LHFPL3: variants seen among roughly 807,000 people sequenced by gnomAD.
The protein encoded by LHFPL3 is LHFPL tetraspan subfamily member 3 protein.
Under a neutral mutation model 19.3 loss-of-function variants are expected in LHFPL3, and 5 were observed. The observed-to-expected ratio is 0.26, with a 90% CI of 0.14 to 0.54. The LOEUF (loss-of-function observed/expected upper bound fraction) is 0.54, where lower values mean the gene tolerates loss of function less well. LHFPL3 is among the 20% of genes least tolerant of loss of function. The pLI, the probability that LHFPL3 is intolerant of heterozygous loss-of-function variation, is 0.94. For synonymous variants in LHFPL3, 133 were observed against 126.2 expected, an observed-to-expected ratio of 1.05 and a Z score of -0.36; for missense variants, 249 against 307.4, an observed-to-expected ratio of 0.81 and a Z score of 1.42.
intron 1 of LHFPL3, among the ~76,000 whole-genome samples, chr7:104,479,810 C>G (rs1012458592): frequency 6.6e-6 from 1 of 152,228 alleles, no homozygotes; most frequent in African/African-American, 2.4e-5. Context: ...CATCTGTTTT[C>G]CGGTCCAAAC....
At chr7:104,515,971 A>T (rs1793912189) in intron 1 of LHFPL3, among the ~76,000 whole-genome samples, 1 of 152,014 alleles carries the variant, frequency 6.6e-6, no homozygotes. Flanking sequence ...ACATGTTCAG[A>T]TATCTTTACA....
At chr7:104,331,845 G>T (rs949737994) in intron 1 of LHFPL3, among the ~76,000 whole-genome samples, 2 of 151,986 alleles carry the variant, frequency 1.3e-5, no homozygotes, top group Non-Finnish European at 2.9e-5. Flanking sequence ...AGCTACTTGG[G>T]AGGCTGAGGC....
At chr7:104,835,047 G>C (rs552205970) in intron 2 of LHFPL3, among the ~76,000 whole-genome samples, 2 of 151,852 alleles carry the variant, frequency 1.3e-5, no homozygotes, top group Non-Finnish European at 2.9e-5. Flanking sequence ...TTCCATAGCA[G>C]TTTAACCTCC....
intron 1 of LHFPL3, among the ~76,000 whole-genome samples, chr7:104,554,034 C>T (rs1415496055): frequency 6.6e-6 from 1 of 152,096 alleles, no homozygotes; most frequent in Non-Finnish European, 1.5e-5. Flanking sequence ...GTGACTTTTT[C>T]CTGGCTGATG....
At chr7:104,408,041 T>G (rs1384192578) in intron 1 of LHFPL3, among the ~76,000 whole-genome samples, 1 of 152,152 alleles carries the variant, frequency 6.6e-6, no homozygotes, top group Non-Finnish European at 1.5e-5. Flanking sequence ...CCTCAGATGG[T>G]AGGACTAGGA....
chr7:104,531,978 G>T (rs536340514), intron 1 of LHFPL3, among the ~76,000 whole-genome samples: 1 of 152,234 alleles, frequency 6.6e-6, no homozygotes, highest in Middle Eastern at 3.4e-3. Context: ...TCAAGGCTGG[G>T]TGTTCTGGGC....
chr7:104,442,537 A>G lies in LHFPL3; in HGVS notation c.445+113313A>G, dbSNP rs1250951386. Among the ~76,000 whole-genome samples, 12 of 152,334 alleles carry G rather than the reference A, an allele frequency of 7.9e-5. No homozygotes were observed. In the East Asian group the frequency reaches 2.1e-3, roughly 27 times the overall value. On this transcript the variant is annotated intron_variant, in intron 1 of 2. Transcript: ENST00000424859. Reference sequence around the variant, plus strand: ...TCAGTACATTGCTAAAGCTTTGTCAACTATTATCTTTTCATGTAGCAAGTT... The same window carrying G: ...TCAGTACATTGCTAAAGCTTTGTCAGCTATTATCTTTTCATGTAGCAAGTT...
chr7:104,901,047 A>G (rs1259680230), intron 2 of LHFPL3, among the ~76,000 whole-genome samples: 2 of 152,196 alleles, frequency 1.3e-5, no homozygotes, highest in Non-Finnish European at 2.9e-5. Context: ...TGGCAATTAC[A>G]CCACACTGAT....
intron 1 of LHFPL3, among the ~76,000 whole-genome samples, chr7:104,505,675 A>G (rs13238097): frequency 0.31 from 47,477 of 152,156 alleles, 7,901 homozygotes; most frequent in Middle Eastern, 0.4. Flanking sequence ...AAAGATAAGC[A>G]CAAAGTGATG....
chr7:104,328,788 A>AGCC lies in LHFPL3; in HGVS notation c.18_20dup (p.Ala14dup), dbSNP rs534523702. Reference sequence around the variant, plus strand: ...GGAGGAGGAGGGGGAGAATGCCCGGAGCCGCCGCCGCTGCCGCCGCCGCCG... The same window carrying AGCC: ...GGAGGAGGAGGGGGAGAATGCCCGGAGCCGCCGCCGCCGCTGCCGCCGCCGCCG... On this transcript the variant is annotated inframe_insertion, in exon 1 of 3. Coordinates refer to ENST00000424859, the MANE Select transcript of LHFPL3 (RefSeq NM_199000.3). This position sits in a 1 kb window ranked among gnomAD's most constrained non-coding sequence, Gnocchi z 4.6. The AGCC allele has an allele frequency of 1.4e-3, 2,168 of 1,593,302 alleles. 14 individuals are homozygous for AGCC. The African/African-American group carries it at 0.025, about 18-fold the overall frequency.
chr7:104,373,733 G>T (rs1018844389), intron 1 of LHFPL3, among the ~76,000 whole-genome samples: 3 of 152,204 alleles, frequency 2.0e-5, no homozygotes, highest in Non-Finnish European at 4.4e-5. Flanking sequence ...GCTGCCCTTA[G>T]AGGTGATAGA....
chr7:104,763,306 C>T (rs1311669752), intron 2 of LHFPL3, among the ~76,000 whole-genome samples: 1 of 152,132 alleles, frequency 6.6e-6, no homozygotes, highest in Non-Finnish European at 1.5e-5. Context: ...ATATCTCGTT[C>T]CAAGAAAACT....
intron 1 of LHFPL3, among the ~76,000 whole-genome samples, chr7:104,475,678 T>G (rs191291873): frequency 3.8e-4 from 58 of 152,308 alleles, no homozygotes; most frequent in Non-Finnish European, 7.5e-4. Flanking sequence ...TTCATGTTGA[T>G]GATTTACAGT....
chr7:104,485,301 A>T (rs1005619355), intron 1 of LHFPL3, among the ~76,000 whole-genome samples: 8 of 151,682 alleles, frequency 5.3e-5, no homozygotes, highest in African/African-American at 1.9e-4. Context: ...AAAATCAGAG[A>T]TTCTCATATG....
At chr7:104,614,362 T>G (rs1038475430) in intron 1 of LHFPL3, among the ~76,000 whole-genome samples, 39 of 152,316 alleles carry the variant, frequency 2.6e-4, no homozygotes, top group African/African-American at 9.1e-4. Context: ...TCTCTGTTAT[T>G]GAGCATAATA....
intron 1 of LHFPL3, among the ~76,000 whole-genome samples, chr7:104,463,106 T>C (rs1011344415): frequency 1.3e-5 from 2 of 152,322 alleles, no homozygotes; most frequent in East Asian, 1.9e-4. Context: ...GTCATAATTA[T>C]GTTTATTTGA....
At chr7:104,901,992 C>T (rs1453734911) in intron 2 of LHFPL3, among the ~76,000 whole-genome samples, 1 of 152,168 alleles carries the variant, frequency 6.6e-6, no homozygotes, top group Non-Finnish European at 1.5e-5. Flanking sequence ...TGGCTTCACA[C>T]TTTCATTTTC....
chr7:104,800,558 C>G (rs1453582960), intron 2 of LHFPL3, among the ~76,000 whole-genome samples: 1 of 152,186 alleles, frequency 6.6e-6, no homozygotes, highest in Non-Finnish European at 1.5e-5. Context: ...CCTCTTTCTC[C>G]CAACTGTCAA....
intron 1 of LHFPL3, chr7:104,470,061 C>T (rs766681373): frequency 3.5e-5 from 16 of 455,812 alleles, no homozygotes; most frequent in Non-Finnish European, 5.7e-5. Context: ...GTGCTTCATT[C>T]TGAATGGAAA....
Sources: gnomAD v4.1 joint callset for allele counts (sites outside exome capture counted in the v4.1 genomes callset) on GRCh38, gnomAD v4.1.1 for gene constraint, Gnocchi (gnomAD v3.1) non-coding constraint, MANE v1.5 for transcripts, NCBI Gene and HGNC (gene_info 2026-07-23, HGNC 2026-07-21) for gene names.